BDP1: variants seen among roughly 807,000 people sequenced by gnomAD.
BDP1 encodes the protein BDP1 general transcription factor IIIB subunit, also known as transcription factor TFIIIB component B'' homolog.
BDP1 carries 169 observed loss-of-function variants against 266.6 expected under a neutral mutation model. The observed-to-expected ratio is 0.63, with a 90% CI of 0.56 to 0.72. The LOEUF is 0.72. BDP1 is among the 30% of genes least tolerant of loss of function. The pLI, the probability that BDP1 is intolerant of heterozygous loss-of-function variation, is 0.00. For synonymous variants in BDP1, 1,090 were observed against 1,022.4 expected, an observed-to-expected ratio of 1.07 and a Z score of -1.26; for missense variants, 3,015 against 3,053.8, an observed-to-expected ratio of 0.99 and a Z score of 0.30.
In BDP1 at chr5:71,567,291, G is replaced by A. The variant is rs191484049; in HGVS notation, c.*2406G>A. On this transcript the variant is annotated 3_prime_UTR_variant, in exon 39 of 39. Coordinates refer to ENST00000358731, the MANE Select transcript of BDP1 (RefSeq NM_018429.3). ...TCTGTTTCTTTTTAATCTATAATGA[G>A]CTAGTTTTATGGAAAATGGAATTTC... 4 of 152,206 alleles carry A rather than the reference G, an allele frequency of 2.6e-5. No individual in the cohort carries two copies. Among genetic ancestry groups the A allele is most frequent in the African/African-American group, 7.2e-5 (3 of 41,530 alleles). The allele number at this position is 152,206 out of a possible 1,614,324, so 9.4% of individuals were successfully genotyped here. A position where few individuals can be genotyped will look rare whatever the true frequency, so the allele number is the denominator to read the frequency against.
chr5:71,545,984 G>A (rs1338702645), intron 32 of BDP1, among the ~76,000 whole-genome samples: 1 of 151,996 alleles, frequency 6.6e-6, no homozygotes, highest in East Asian at 1.9e-4. Flanking sequence ...GAGACAGAGT[G>A]AGACCCTGTT....
At chr5:71,496,493 A>G (rs1399045016) in intron 12 of BDP1, among the ~76,000 whole-genome samples, 2 of 143,994 alleles carry the variant, frequency 1.4e-5, no homozygotes, top group Admixed American at 1.4e-4. Context: ...GCAGGAGTGC[A>G]GTGGTGTGAT....
chr5:71,485,528 A>G (rs1018606582), intron 8 of BDP1, among the ~76,000 whole-genome samples: 1 of 152,128 alleles, frequency 6.6e-6, no homozygotes, highest in African/African-American at 2.4e-5. Flanking sequence ...TAGTTTCCAG[A>G]GATTCTTTTT....
intron 7 of BDP1, among the ~76,000 whole-genome samples, chr5:71,475,267 C>T (rs1485273757): frequency 6.6e-6 from 1 of 151,978 alleles, no homozygotes; most frequent in Non-Finnish European, 1.5e-5. Context: ...GCCACTATGC[C>T]CAGCTAATTA....
intron 6 of BDP1, among the ~76,000 whole-genome samples, chr5:71,469,201 C>T (rs987759321): frequency 2.0e-5 from 3 of 152,070 alleles, no homozygotes; most frequent in South Asian, 2.1e-4. Flanking sequence ...TGCAGTGGTG[C>T]GATCTTGGCT....
chr5:71,492,723 A>AG (rs1050203050), intron 11 of BDP1, among the ~76,000 whole-genome samples: 1 of 152,108 alleles, frequency 6.6e-6, no homozygotes, highest in Non-Finnish European at 1.5e-5. Context: ...GGCGTACAGA[A>AG]GTTTTTTAGT....
chr5:71,497,478 A>G, intron 13 of BDP1, 52 bp downstream of exon 13: 2 of 1,418,956 alleles, frequency 1.4e-6, no homozygotes, highest in Non-Finnish European at 1.9e-6. Context: ...TTTTCTTTAG[A>G]TAGTTGGGAA....
chr5:71,551,469 T>C (rs1742751164), intron 34 of BDP1, among the ~76,000 whole-genome samples: 1 of 152,232 alleles, frequency 6.6e-6, no homozygotes, highest in Non-Finnish European at 1.5e-5. Flanking sequence ...AGAAGAATTT[T>C]TCTTAGTACA....
chr5:71,535,875 C>A (rs970455515), intron 26 of BDP1, among the ~76,000 whole-genome samples: 1 of 152,092 alleles, frequency 6.6e-6, no homozygotes, highest in African/African-American at 2.4e-5. Flanking sequence ...GGATTAGCAC[C>A]AACTCTAATC....
intron 1 of BDP1, among the ~76,000 whole-genome samples, chr5:71,456,501 G>A (rs1215553340): frequency 6.6e-6 from 1 of 152,058 alleles, no homozygotes; most frequent in East Asian, 1.9e-4. Context: ...TATTGCTTTG[G>A]CTTTACCGAT....
intron 16 of BDP1, among the ~76,000 whole-genome samples, chr5:71,506,758 TTATATATA>T (rs67179518): frequency 5.2e-5 from 7 of 135,862 alleles, no homozygotes; most frequent in Middle Eastern, 3.7e-3. Context: ...GTTTGGAGGT[TTATATATA>T]TATATATATA....
chr5:71,556,391 T>A (rs988049686), intron 35 of BDP1, among the ~76,000 whole-genome samples: 1 of 152,154 alleles, frequency 6.6e-6, no homozygotes, highest in Non-Finnish European at 1.5e-5. Flanking sequence ...GTGTTTATTA[T>A]GTGGGATGCT....
At chr5:71,568,366 A>G (rs940538408), downstream of BDP1, among the ~76,000 whole-genome samples, 3 of 152,186 alleles carry the variant, frequency 2.0e-5, no homozygotes, top group East Asian at 1.9e-4. Context: ...TTGGGGTAGT[A>G]TTCCCAAATA....
rs201052403 is a variant in BDP1 at position 71,506,820 on chromosome 5, CACA to C, written c.2372+2070_2372+2072del. On this transcript the variant is annotated intron_variant, in intron 16 of 38. Coordinates refer to ENST00000358731, the MANE Select transcript of BDP1 (RefSeq NM_018429.3). ...ACACACACACACACACACACACACA[CACA>C]CCCATATTTTTTTAAAGACAAGGGT... is the stretch of plus-strand genomic sequence containing the variant. 5.2e-4 allele frequency among the ~76,000 whole-genome samples: 74 copies of C among 141,036 alleles called. 1 individual carries two copies. Among genetic ancestry groups the C allele is most frequent in the African/African-American group, 1.6e-3 (61 of 38,318 alleles). 92.5% of individuals were successfully genotyped at this position (141,036 alleles called of 152,430 possible). A position where few individuals can be genotyped will look rare whatever the true frequency, so the allele number is the denominator to read the frequency against.
At chr5:71,457,861 C>T (rs189289098) in intron 1 of BDP1, among the ~76,000 whole-genome samples, 19 of 152,236 alleles carry the variant, frequency 1.2e-4, no homozygotes, top group African/African-American at 4.3e-4. Flanking sequence ...TATACCACCT[C>T]TTTTCTTGAC....
rs572126120 is a variant in BDP1, at chr5:71,458,429, C to T, written c.213-150C>T. On this transcript the variant is annotated intron_variant, in intron 1 of 38. Transcript: ENST00000358731. Reference sequence around the variant, plus strand: ...ATTTACTAAACAAATTTTTTTGTAACCTGTCATAATTATCATAAATCTCAA... The same window carrying T: ...ATTTACTAAACAAATTTTTTTGTAATCTGTCATAATTATCATAAATCTCAA... 3.0e-4 allele frequency: 188 copies of T among 617,326 alleles called. No homozygotes were observed. In the African/African-American group the frequency reaches 3.1e-3, roughly 10 times the overall value. 38.2% of individuals were successfully genotyped at this position (617,326 alleles called of 1,614,324 possible). A position where few individuals can be genotyped will look rare whatever the true frequency, so the allele number is the denominator to read the frequency against.
intron 9 of BDP1, among the ~76,000 whole-genome samples, chr5:71,487,754 T>C (rs767750368): frequency 7.2e-5 from 11 of 152,154 alleles, no homozygotes; most frequent in Non-Finnish European, 1.3e-4. Context: ...TACAAAAATT[T>C]CGGATTTTCA....
intron 36 of BDP1, among the ~76,000 whole-genome samples, chr5:71,559,019 T>C (rs1247145371): frequency 6.6e-6 from 1 of 151,302 alleles, no homozygotes; most frequent in Non-Finnish European, 1.5e-5. Flanking sequence ...TTAGGTGTGG[T>C]GGTGCATGCC....
intron 21 of BDP1, among the ~76,000 whole-genome samples, chr5:71,516,785 AAGT>A (rs1276386333): frequency 1.3e-5 from 2 of 152,130 alleles, no homozygotes; most frequent in Non-Finnish European, 1.5e-5. Flanking sequence ...GAAAAAGTCT[AAGT>A]AGTGTAATGT....
Sources: gnomAD v4.1 joint callset for allele counts (sites outside exome capture counted in the v4.1 genomes callset) on GRCh38, gnomAD v4.1.1 for gene constraint, MANE v1.5 for transcripts, NCBI Gene and HGNC (gene_info 2026-07-23, HGNC 2026-07-21) for gene names.